Variants in PALS1 observed in about 807,000 individuals in gnomAD.
PALS1 encodes the protein protein associated with LIN7 1, MAGUK p55 family member.
Under a neutral mutation model 78.9 loss-of-function variants are expected in PALS1, and 31 were observed. The ratio of observed to expected loss-of-function variants is 0.39; its 90% CI spans 0.30 to 0.53. The LOEUF (loss-of-function observed/expected upper bound fraction) is 0.53. PALS1 is among the 20% of genes least tolerant of loss of function. The pLI is 0.67. For synonymous variants in PALS1, 276 were observed against 270.9 expected, an observed-to-expected ratio of 1.02 and a Z score of -0.18; for missense variants, 704 against 826.5, an observed-to-expected ratio of 0.85 and a Z score of 1.82.
intron 8 of PALS1, among the ~76,000 whole-genome samples, chr14:67,308,592 C>T (rs920651877): frequency 8.3e-5 from 12 of 144,868 alleles, no homozygotes; most frequent in Non-Finnish European, 1.8e-4. Flanking sequence ...GTTGTCCAGG[C>T]TGGAGTGCAA....
intron 1 of PALS1, among the ~76,000 whole-genome samples, chr14:67,269,128 G>A (rs1353181136): frequency 6.6e-6 from 1 of 152,118 alleles, no homozygotes; most frequent in Non-Finnish European, 1.5e-5. Flanking sequence ...ACAGTATGTG[G>A]TCGTGGTCCT....
chr14:67,286,183 T>C (rs1259071421), intron 3 of PALS1, among the ~76,000 whole-genome samples: 1 of 152,206 alleles, frequency 6.6e-6, no homozygotes, highest in African/African-American at 2.4e-5. Flanking sequence ...CTGGGCAGAG[T>C]GCCTCCATCC....
intron 1 of PALS1, among the ~76,000 whole-genome samples, chr14:67,257,758 A>G (rs1182158266): frequency 6.6e-6 from 1 of 152,214 alleles, no homozygotes; most frequent in Non-Finnish European, 1.5e-5. Flanking sequence ...AGTGTTCTCT[A>G]TGCAGAACTC....
intron 9 of PALS1, among the ~76,000 whole-genome samples, chr14:67,313,739 ATACT>A (rs2085128911): frequency 6.6e-6 from 1 of 152,154 alleles, no homozygotes; most frequent in Non-Finnish European, 1.5e-5. Context: ...CTTCGCTTAC[ATACT>A]TTACTTGAAA....
rs1374733471 is a variant in PALS1, at chr14:67,335,710, ATC to A, written c.*2755_*2756del. The A allele has an allele frequency of 1.3e-5, 2 of 152,452 alleles. No homozygotes were observed. Among genetic ancestry groups the A allele is most frequent in the East Asian group, 3.9e-4 (2 of 5,186 alleles). The allele number at this position is 152,452 out of a possible 1,614,324, so 9.4% of individuals were successfully genotyped here. A position where few individuals can be genotyped will look rare whatever the true frequency, so the allele number is the denominator to read the frequency against. On this transcript the variant is annotated 3_prime_UTR_variant, in exon 15 of 15. Transcript: ENST00000261681. ...GGTAACCTTCTGACATCTGTTGTTA[ATC>A]CCCCTTTGTACTCTTTTCCTGTATC...
At chr14:67,302,696 A>G in intron 7 of PALS1, 125 bp downstream of exon 7, 1 of 719,406 alleles carries the variant, frequency 1.4e-6, no homozygotes, top group South Asian at 4.9e-5. Flanking sequence ...TTTTTCCATG[A>G]TGTAACTGTT....
At chr14:67,300,897 G>A (rs1262179041) in intron 4 of PALS1, among the ~76,000 whole-genome samples, 2 of 151,574 alleles carry the variant, frequency 1.3e-5, no homozygotes, top group Admixed American at 6.6e-5. Context: ...TCACTGTGTT[G>A]CCCAGGCTGG....
chr14:67,334,368 A>C lies in PALS1; in HGVS notation c.*1412A>C, dbSNP rs773864381. The C allele has an allele frequency of 1.3e-5, 2 of 152,616 alleles. No homozygotes were observed. The highest frequency in any genetic ancestry group is 4.8e-5 in the African/African-American group (2 of 41,444). 9.5% of individuals were successfully genotyped at this position (152,616 alleles called of 1,614,324 possible). A position where few individuals can be genotyped will look rare whatever the true frequency, so the allele number is the denominator to read the frequency against. ...TTTAGGATAGTGTGATGTGTAACAA[A>C]CAACCTCAAATGTGAATGCCTTGAT... On this transcript the variant is annotated 3_prime_UTR_variant, in exon 15 of 15. Coordinates refer to ENST00000261681, the MANE Select transcript of PALS1 (RefSeq NM_022474.4).
At position 67,323,201 on chromosome 14, in the gene PALS1, GTA is replaced by G. The variant is rs894770144; in HGVS notation, c.1741-492_1741-491del. 4.0e-4 allele frequency among the ~76,000 whole-genome samples: 58 copies of G among 146,744 alleles called. 1 individual carries two copies. Among genetic ancestry groups the G allele is most frequent in the African/African-American group, 1.3e-3 (51 of 39,586 alleles). On this transcript the variant is annotated intron_variant, in intron 13 of 14. Transcript: ENST00000261681. ...TATGTATATAATATGTATTATATGT[GTA>G]TATATATACATATATACACATATAT...
intron 13 of PALS1, among the ~76,000 whole-genome samples, chr14:67,323,261 GTATA>G (rs58770441): frequency 1.6e-5 from 2 of 124,138 alleles, no homozygotes; most frequent in East Asian, 2.2e-4. Flanking sequence ...GTGTGTGTGT[GTATA>G]TATATATATG....
chr14:67,301,503 C>A, intron 5 of PALS1, 37 bp downstream of exon 5: 1 of 1,446,968 alleles, frequency 6.9e-7, no homozygotes, highest in Non-Finnish European at 9.5e-7. Flanking sequence ...TGTGGTTTTT[C>A]CAGCATTCTT....
intron 3 of PALS1, among the ~76,000 whole-genome samples, chr14:67,280,981 T>G (rs1182112311): frequency 6.6e-6 from 1 of 151,302 alleles, no homozygotes; most frequent in Non-Finnish European, 1.5e-5. Flanking sequence ...CACAGCAATC[T>G]CCGCCTTCCC....
At chr14:67,244,942 A>G (rs1308836988) in intron 1 of PALS1, among the ~76,000 whole-genome samples, 1 of 152,140 alleles carries the variant, frequency 6.6e-6, no homozygotes, top group Non-Finnish European at 1.5e-5. Flanking sequence ...AAGGAAAGAG[A>G]GAGGCAGAAG....
In PALS1 at chr14:67,335,146, A is replaced by C. The variant is rs2085509754; in HGVS notation, c.*2190A>C. On this transcript the variant is annotated 3_prime_UTR_variant, in exon 15 of 15. Transcript: ENST00000261681. The stretch of plus-strand genomic sequence containing the variant: ...ATGATAAATATTTCAAGGTCAGTGA[A>C]GTCTATCAATCATTCTCCCCTTCCT... 1 of 152,232 alleles carries C rather than the reference A, an allele frequency of 6.6e-6. No homozygotes were observed. The highest frequency in any genetic ancestry group is 2.4e-5 in the African/African-American group (1 of 41,466). 9.4% of individuals were successfully genotyped at this position (152,232 alleles called of 1,614,324 possible).
chr14:67,321,311 G>C (rs925464407), intron 13 of PALS1, 52 bp downstream of exon 13: 16 of 1,558,586 alleles, frequency 1.0e-5, no homozygotes, highest in Non-Finnish European at 1.4e-5. Context: ...ATGTCATATA[G>C]AGTAATCTAG....
rs1595627752 is a variant in PALS1, at chr14:67,333,332, ATTC to A, written c.*379_*381del. On this transcript the variant is annotated 3_prime_UTR_variant, in exon 15 of 15. Transcript: ENST00000261681. ...GTCTCACACAAATATTGATGTGATT[ATTC>A]TTAAGTGTTAAATCATTAACACTTA... The A allele has an allele frequency of 1.2e-5, 2 of 161,210 alleles. No individual in the cohort carries two copies. Among genetic ancestry groups the A allele is most frequent in the East Asian group, 1.8e-4 (1 of 5,568 alleles). The allele number at this position is 161,210 out of a possible 1,614,324, so 10.0% of individuals were successfully genotyped here. A position where few individuals can be genotyped will look rare whatever the true frequency, so the allele number is the denominator to read the frequency against.
intron 3 of PALS1, among the ~76,000 whole-genome samples, chr14:67,291,752 G>C (rs1215563874): frequency 6.6e-6 from 1 of 152,128 alleles, no homozygotes; most frequent in Non-Finnish European, 1.5e-5. Flanking sequence ...AGAAGTGCCT[G>C]GTAATTGTGA....
chr14:67,307,891 C>T (rs2085028552), intron 8 of PALS1, among the ~76,000 whole-genome samples: 4 of 151,944 alleles, frequency 2.6e-5, no homozygotes, highest in Admixed American at 2.0e-4. Context: ...CCATGGAATA[C>T]GAATGCAGCC....
intron 13 of PALS1, among the ~76,000 whole-genome samples, chr14:67,322,127 C>A (rs1013456567): frequency 6.6e-6 from 1 of 152,084 alleles, no homozygotes; most frequent in Non-Finnish European, 1.5e-5. Context: ...GGGTGGATCA[C>A]TTGAGTTCAG....
Sources: allele counts gnomAD v4.1 joint callset (sites outside exome capture counted in the v4.1 genomes callset), GRCh38; gene constraint gnomAD v4.1.1; transcripts MANE v1.5; gene names NCBI Gene and HGNC (gene_info 2026-07-23, HGNC 2026-07-21).